Variants in ASXL2 observed in about 807,000 individuals in gnomAD.
The protein encoded by ASXL2 is putative Polycomb group protein ASXL2.
In ASXL2, 23 loss-of-function variants were observed where a neutral mutation model predicts 122.0. That is an observed-to-expected ratio of 0.19 (90% CI 0.14 to 0.27). ASXL2 has a LOEUF of 0.27. Ranked by LOEUF, ASXL2 falls within the 10% of genes least tolerant of loss-of-function variation. The pLI is 1.00. For missense variants in ASXL2, 1,518 were observed against 1,713.8 expected (o/e 0.89, Z 2.02); for synonymous variants, 650 against 637.0 (o/e 1.02, Z -0.31).
rs976556790 is a variant in ASXL2, at chr2:25,735,534, T to A, written c.*6495A>T. 2.6e-5 allele frequency: 4 copies of A among 152,224 alleles called. No individual in the cohort carries two copies. The highest frequency in any genetic ancestry group is 2.6e-4 in the Admixed American group (4 of 15,284). The allele number at this position is 152,224 out of a possible 1,614,324, so 9.4% of individuals were successfully genotyped here. ...AACAATTCCAAATGAAGAGATACAG[T>A]TACTTATCATCTATAAGATGAAAAT... On this transcript the variant is annotated 3_prime_UTR_variant, in exon 13 of 13. Coordinates refer to ENST00000435504, the MANE Select transcript of ASXL2 (RefSeq NM_018263.6).
At chr2:25,863,542 A>C (rs2089863565) in intron 1 of ASXL2, among the ~76,000 whole-genome samples, 1 of 150,866 alleles carries the variant, frequency 6.6e-6, no homozygotes, top group Non-Finnish European at 1.5e-5. Context: ...ATATACAAAA[A>C]ATTAGCCAGG....
intron 2 of ASXL2, among the ~76,000 whole-genome samples, chr2:25,837,504 G>C (rs969964764): frequency 6.6e-6 from 1 of 152,098 alleles, no homozygotes; most frequent in Non-Finnish European, 1.5e-5. Context: ...TTATGATGGA[G>C]GATGTATCCT....
chr2:25,805,063 AAAAG>A (rs1215407613), intron 4 of ASXL2, among the ~76,000 whole-genome samples: 1 of 152,206 alleles, frequency 6.6e-6, no homozygotes, highest in Non-Finnish European at 1.5e-5. Context: ...AGAAAGAAAG[AAAAG>A]AAAGAAATTA....
intron 4 of ASXL2, among the ~76,000 whole-genome samples, chr2:25,801,451 T>C (rs2149172168): frequency 6.6e-6 from 1 of 152,338 alleles, no homozygotes; most frequent in African/African-American, 2.4e-5. Context: ...ATTTATGTCC[T>C]AGTGCCATTT....
intron 1 of ASXL2, among the ~76,000 whole-genome samples, chr2:25,853,385 T>C (rs1402821898): frequency 1.3e-5 from 2 of 152,204 alleles, no homozygotes; most frequent in African/African-American, 4.8e-5. Context: ...TACTGATCAC[T>C]ACCTGTGTCC....
chr2:25,861,402 A>C (rs1176992405), intron 1 of ASXL2, among the ~76,000 whole-genome samples: 1 of 152,222 alleles, frequency 6.6e-6, no homozygotes, highest in Non-Finnish European at 1.5e-5. Flanking sequence ...CAATCTGACA[A>C]AACTCACACA....
At chr2:25,856,479 A>T (rs906997116) in intron 1 of ASXL2, 7 of 1,036,944 alleles carry the variant, frequency 6.8e-6, no homozygotes, top group Non-Finnish European at 1.0e-5. Context: ...CCTTCGGGTT[A>T]CGGAACTTGT....
intron 5 of ASXL2, among the ~76,000 whole-genome samples, chr2:25,790,111 A>G (rs930347044): frequency 1.3e-5 from 2 of 152,180 alleles, no homozygotes; most frequent in Non-Finnish European, 2.9e-5. Context: ...AAAATCATCT[A>G]AACTATTGCT....
chr2:25,793,547 G>A (rs1302234702), intron 5 of ASXL2, among the ~76,000 whole-genome samples: 1 of 151,478 alleles, frequency 6.6e-6, no homozygotes. Flanking sequence ...CCCCTATGAA[G>A]TATTAGGGAG....
chr2:25,832,435 A>T (rs1405931837), intron 3 of ASXL2, among the ~76,000 whole-genome samples: 1 of 152,254 alleles, frequency 6.6e-6, no homozygotes, highest in Non-Finnish European at 1.5e-5. Flanking sequence ...GAAGTCAAGA[A>T]AAGAGAAACA....
Position 25,744,569 on chromosome 2 carries a change from T to C in ASXL2, c.1861-93A>G, listed in dbSNP as rs1559498732. On this transcript the variant is annotated intron_variant, in intron 12 of 12. Transcript: ENST00000435504. The surrounding 1 kb of genome is among the most constrained non-coding windows in gnomAD (Gnocchi z 4.7). ...TTAGCCCTCACATTTTAAAAACAGA[T>C]GAACACTACAGTACCTGTGACAAAC... 4 of 1,359,204 alleles carry C rather than the reference T, an allele frequency of 2.9e-6. No homozygotes were observed. In the South Asian group the frequency reaches 4.3e-5, roughly 15 times the overall value. 84.2% of individuals were successfully genotyped at this position (1,359,204 alleles called of 1,614,324 possible).
At position 25,740,821 on chromosome 2, in the gene ASXL2, G is replaced by A. The variant is rs1321763553; in HGVS notation, c.*1208C>T. 1.5e-5 allele frequency: 3 copies of A among 193,800 alleles called. No individual in the cohort carries two copies. Among genetic ancestry groups the A allele is most frequent in the East Asian group, 8.3e-5 (1 of 12,108 alleles). 12.0% of individuals were successfully genotyped at this position (193,800 alleles called of 1,614,324 possible). On this transcript the variant is annotated 3_prime_UTR_variant, in exon 13 of 13. Coordinates refer to ENST00000435504, the MANE Select transcript of ASXL2 (RefSeq NM_018263.6). ...AAACAGGAAAAATGTCTTGTATTGT[G>A]TGTGTGTGTGTACATACACGTATGT...
rs1368803990 is a variant in ASXL2 at position 25,739,189 on chromosome 2, A to G, written c.*2840T>C. 1 of 153,506 alleles carries G rather than the reference A, an allele frequency of 6.5e-6. No homozygotes were observed. Among genetic ancestry groups the G allele is most frequent in the Admixed American group, 6.5e-5 (1 of 15,314 alleles). 9.5% of individuals were successfully genotyped at this position (153,506 alleles called of 1,614,324 possible). A position where few individuals can be genotyped will look rare whatever the true frequency, so the allele number is the denominator to read the frequency against. ...TAATGCCTGACTAGTCACTGGAAAT[A>G]ATGCCAGGTCATACCCTAAGAATAA... On this transcript the variant is annotated 3_prime_UTR_variant, in exon 13 of 13. Coordinates refer to ENST00000435504, the MANE Select transcript of ASXL2 (RefSeq NM_018263.6).
At chr2:25,817,428 TA>T (rs2089251340) in intron 3 of ASXL2, among the ~76,000 whole-genome samples, 1 of 152,200 alleles carries the variant, frequency 6.6e-6, no homozygotes, top group Admixed American at 6.5e-5. Flanking sequence ...GTGAAGAAAC[TA>T]AAGCCTAGTA....
intron 1 of ASXL2, among the ~76,000 whole-genome samples, chr2:25,855,662 G>A (rs10199550): frequency 0.28 from 42,038 of 150,562 alleles, 6,148 homozygotes; most frequent in African/African-American, 0.33. Context: ...TGAGACTCTT[G>A]TCTCAAATAA....
intron 5 of ASXL2, among the ~76,000 whole-genome samples, chr2:25,792,688 C>T (rs1338335030): frequency 4.0e-5 from 6 of 151,698 alleles, no homozygotes; most frequent in Non-Finnish European, 5.9e-5. Flanking sequence ...CTGCAGCCTC[C>T]GAGGCCTCCT....
At chr2:25,824,136 T>C (rs2089347251) in intron 3 of ASXL2, among the ~76,000 whole-genome samples, 1 of 149,806 alleles carries the variant, frequency 6.7e-6, no homozygotes, top group African/African-American at 2.5e-5. Context: ...AAATTAATAA[T>C]TTGAAACTAT....
At chr2:25,876,494 G>A (rs1353367292) in intron 1 of ASXL2, among the ~76,000 whole-genome samples, 1 of 152,124 alleles carries the variant, frequency 6.6e-6, no homozygotes, top group Non-Finnish European at 1.5e-5. Flanking sequence ...AACATAGAAA[G>A]ACCCTGTCTC....
At chr2:25,872,497 T>G (rs1465976874) in intron 1 of ASXL2, among the ~76,000 whole-genome samples, 2 of 151,974 alleles carry the variant, frequency 1.3e-5, no homozygotes, top group East Asian at 3.9e-4. Context: ...AAGTGAAAAC[T>G]AATAAGGTCA....
Sources: gnomAD v4.1 joint callset for allele counts (sites outside exome capture counted in the v4.1 genomes callset) on GRCh38, gnomAD v4.1.1 for gene constraint, Gnocchi (gnomAD v3.1) non-coding constraint, MANE v1.5 for transcripts, NCBI Gene and HGNC (gene_info 2026-07-23, HGNC 2026-07-21) for gene names.